SH3PXD2A: variants seen among roughly 807,000 people sequenced by gnomAD.
The protein encoded by SH3PXD2A is SH3 and PX domains 2A.
Under a neutral mutation model 115.2 loss-of-function variants are expected in SH3PXD2A, and 32 were observed. The observed-to-expected ratio is 0.28, with a 90% CI of 0.21 to 0.37. The LOEUF (loss-of-function observed/expected upper bound fraction) is 0.37. SH3PXD2A is among the 10% of genes least tolerant of loss of function. SH3PXD2A has a pLI of 1.00. For missense variants in SH3PXD2A, 1,328 were observed against 1,498.7 expected (o/e 0.89, Z 1.88); for synonymous variants, 610 against 629.1 (o/e 0.97, Z 0.45).
chr10:103,769,181 TGCGCGCGC>T (rs139822501), intron 2 of SH3PXD2A, among the ~76,000 whole-genome samples: 31 of 113,006 alleles, frequency 2.7e-4, no homozygotes, highest in African/African-American at 9.3e-4. Context: ...TGTGTGTGTG[TGCGCGCGC>T]GCGCGCATTT....
intron 9 of SH3PXD2A, among the ~76,000 whole-genome samples, chr10:103,625,642 C>A (rs925231460): frequency 5.9e-5 from 9 of 152,186 alleles, no homozygotes; most frequent in African/African-American, 1.9e-4. Context: ...CCTGTAATCC[C>A]AGCACTTTGG....
intron 1 of SH3PXD2A, among the ~76,000 whole-genome samples, chr10:103,854,720 A>C (rs906620400): frequency 3.9e-5 from 6 of 152,172 alleles, no homozygotes; most frequent in African/African-American, 1.4e-4. Flanking sequence ...TTCTGCCCCC[A>C]GCCCCAGGCC....
intron 5 of SH3PXD2A, among the ~76,000 whole-genome samples, chr10:103,708,836 C>T (rs926765326): frequency 1.3e-5 from 2 of 152,150 alleles, no homozygotes; most frequent in Non-Finnish European, 2.9e-5. Flanking sequence ...TAGCACCGTG[C>T]CCAGCACATG....
chr10:103,806,787 C>G (rs151297721), intron 1 of SH3PXD2A, among the ~76,000 whole-genome samples: 311 of 152,324 alleles, frequency 2.0e-3, no homozygotes, highest in Non-Finnish European at 2.7e-3. Context: ...TATGAAGGCT[C>G]GCTAGAGGCT....
intron 6 of SH3PXD2A, among the ~76,000 whole-genome samples, chr10:103,669,150 A>T (rs1018962439): frequency 8.5e-5 from 13 of 152,134 alleles, no homozygotes; most frequent in African/African-American, 2.9e-4. Flanking sequence ...CACCCACTAG[A>T]CCCTGATGTG....
intron 6 of SH3PXD2A, among the ~76,000 whole-genome samples, chr10:103,684,662 C>T (rs949048385): frequency 2.6e-5 from 4 of 152,088 alleles, no homozygotes; most frequent in Non-Finnish European, 5.9e-5. Context: ...TAGACTAACC[C>T]TTAATAGTGG....
chr10:103,730,666 G>GT (rs2038305631), intron 4 of SH3PXD2A, among the ~76,000 whole-genome samples: 1 of 152,156 alleles, frequency 6.6e-6, no homozygotes, highest in Non-Finnish European at 1.5e-5. Context: ...CTCTGAGGAA[G>GT]TTTTGTCTAC....
At chr10:103,734,165 G>A (rs557582936) in intron 4 of SH3PXD2A, among the ~76,000 whole-genome samples, 1 of 152,284 alleles carries the variant, frequency 6.6e-6, no homozygotes, top group East Asian at 1.9e-4. Context: ...ACCGGGATTC[G>A]ACTCCAGCTC....
At chr10:103,815,687 G>A (rs549387905) in intron 1 of SH3PXD2A, among the ~76,000 whole-genome samples, 272 of 151,482 alleles carry the variant, frequency 1.8e-3, no homozygotes, top group Non-Finnish European at 3.2e-3. Context: ...TCAGGAGTTC[G>A]AGACCAGCCT....
intron 8 of SH3PXD2A, among the ~76,000 whole-genome samples, chr10:103,637,985 C>A (rs1592275631): frequency 6.6e-6 from 1 of 152,204 alleles, no homozygotes; most frequent in East Asian, 1.9e-4. Flanking sequence ...TGAAAGGCTG[C>A]CCACCCTCGG....
chr10:103,627,023 A>C lies in SH3PXD2A; in HGVS notation c.718+66T>G, dbSNP rs1342196275. 1.2e-6 allele frequency: 1 copy of C among 859,428 alleles called. No homozygotes were observed. The highest frequency in any genetic ancestry group is 1.8e-5 in the Admixed American group (1 of 56,674). The allele number at this position is 859,428 out of a possible 1,614,324, so 53.2% of individuals were successfully genotyped here. On this transcript the variant is annotated intron_variant, in intron 9 of 14. Coordinates refer to ENST00000369774, the MANE Select transcript of SH3PXD2A (RefSeq NM_001394015.1). The surrounding 1 kb of genome is among the most constrained non-coding windows in gnomAD (Gnocchi z 4.4). Reference sequence around the variant, plus strand: ...TTTAGGGGTTCTGTTGGTTCTAGGGAAAGAGTGAGAGAGCTGCCTCCAGAG... The same window carrying C: ...TTTAGGGGTTCTGTTGGTTCTAGGGCAAGAGTGAGAGAGCTGCCTCCAGAG...
chr10:103,719,345 C>T (rs1022280171), intron 5 of SH3PXD2A, among the ~76,000 whole-genome samples: 8 of 152,242 alleles, frequency 5.3e-5, no homozygotes, highest in Admixed American at 6.5e-5. Flanking sequence ...TGGGGCCAGC[C>T]AGCCTGGCTT....
intron 4 of SH3PXD2A, among the ~76,000 whole-genome samples, chr10:103,728,885 G>GGTTT (rs2038277379): frequency 1.0e-5 from 1 of 99,144 alleles, no homozygotes; most frequent in African/African-American, 4.9e-5. Flanking sequence ...TGTTTTTTTT[G>GGTTT]TTTGTTTGTT....
At chr10:103,699,964 C>T (rs1236945250) in intron 5 of SH3PXD2A, among the ~76,000 whole-genome samples, 3 of 152,182 alleles carry the variant, frequency 2.0e-5, no homozygotes, top group Non-Finnish European at 4.4e-5. Context: ...CCAGAGAGGC[C>T]AGATGCTATG....
chr10:103,690,152 TG>T (rs749666508), intron 6 of SH3PXD2A, among the ~76,000 whole-genome samples: 3 of 152,158 alleles, frequency 2.0e-5, no homozygotes, highest in Non-Finnish European at 4.4e-5. Context: ...CATCATGTAC[TG>T]TGGCTCTGAT....
intron 1 of SH3PXD2A, among the ~76,000 whole-genome samples, chr10:103,829,505 A>G (rs1459535314): frequency 6.6e-6 from 1 of 152,202 alleles, no homozygotes; most frequent in African/African-American, 2.4e-5. Flanking sequence ...TAGCCTTTGA[A>G]GATGATGGAT....
At chr10:103,764,370 A>T (rs912865333) in intron 3 of SH3PXD2A, among the ~76,000 whole-genome samples, 1 of 152,150 alleles carries the variant, frequency 6.6e-6, no homozygotes, top group African/African-American at 2.4e-5. Flanking sequence ...GAAGTCCTGG[A>T]GAGTGAGTGA....
intron 5 of SH3PXD2A, among the ~76,000 whole-genome samples, chr10:103,719,874 C>T (rs1332135749): frequency 6.6e-6 from 1 of 152,004 alleles, no homozygotes; most frequent in Non-Finnish European, 1.5e-5. Context: ...CACGTGCCAC[C>T]ACGCCTGGCT....
Position 103,666,668 on chromosome 10 carries a change from G to C in SH3PXD2A, c.472+1940C>G, listed in dbSNP as rs556885342. On this transcript the variant is annotated intron_variant, in intron 7 of 14. Transcript: ENST00000369774. This position sits in a 1 kb window ranked among gnomAD's most constrained non-coding sequence, Gnocchi z 4.5. ...GACACGTAACCTCTCTTGAGCTTTA[G>C]TGTCATCTGGAAACAGGAACAATAG... Among the ~76,000 whole-genome samples the C allele has an allele frequency of 1.4e-4, 22 of 152,350 alleles. No individual in the cohort carries two copies. In the South Asian group the frequency reaches 4.6e-3, roughly 32 times the overall value.
Sources: gnomAD v4.1 joint callset for allele counts (sites outside exome capture counted in the v4.1 genomes callset) on GRCh38, gnomAD v4.1.1 for gene constraint, Gnocchi (gnomAD v3.1) non-coding constraint, MANE v1.5 for transcripts, NCBI Gene and HGNC (gene_info 2026-07-23, HGNC 2026-07-21) for gene names.